ADAMTS2: variants seen among roughly 807,000 people sequenced by gnomAD.
ADAMTS2 encodes the protein A disintegrin and metalloproteinase with thrombospondin motifs 2.
Under a neutral mutation model 123.0 loss-of-function variants are expected in ADAMTS2, and 50 were observed. The observed-to-expected ratio is 0.41, with a 90% CI of 0.32 to 0.51. The LOEUF is 0.51. Among genes scored for constraint, ADAMTS2 ranks in the 20% least tolerant of loss-of-function variants. The pLI, the probability that ADAMTS2 is intolerant of heterozygous loss-of-function variation, is 0.35. For synonymous variants in ADAMTS2, 678 were observed against 695.4 expected, an observed-to-expected ratio of 0.98 and a Z score of 0.39; for missense variants, 1,494 against 1,705.2, an observed-to-expected ratio of 0.88 and a Z score of 2.18.
At chr5:179,286,482 A>G (rs970680175) in intron 2 of ADAMTS2, among the ~76,000 whole-genome samples, 3 of 151,994 alleles carry the variant, frequency 2.0e-5, no homozygotes, top group African/African-American at 7.3e-5. Context: ...CATGTCTGGG[A>G]GTTGCCAACA....
intron 2 of ADAMTS2, among the ~76,000 whole-genome samples, chr5:179,295,108 A>G (rs1384314845): frequency 1.3e-5 from 2 of 152,240 alleles, no homozygotes; most frequent in African/African-American, 4.8e-5. Flanking sequence ...TCAGAGCCTG[A>G]GAGCATCTGG....
intron 4 of ADAMTS2, among the ~76,000 whole-genome samples, chr5:179,196,202 T>A (rs995845366): frequency 2.0e-5 from 3 of 151,926 alleles, no homozygotes; most frequent in African/African-American, 4.8e-5. Flanking sequence ...AAATTAGAAA[T>A]GAAAAGAGGA....
At chr5:179,281,745 G>T (rs926576189) in intron 2 of ADAMTS2, among the ~76,000 whole-genome samples, 1 of 152,058 alleles carries the variant, frequency 6.6e-6, no homozygotes, top group African/African-American at 2.4e-5. Flanking sequence ...CCTCTACAGG[G>T]GCTGGACCAT....
At chr5:179,339,954 ACT>A (rs1757723954) in intron 2 of ADAMTS2, among the ~76,000 whole-genome samples, 2 of 151,854 alleles carry the variant, frequency 1.3e-5, no homozygotes, top group Admixed American at 1.3e-4. Flanking sequence ...GGCCTTTATG[ACT>A]CTTAATGTCC....
intron 2 of ADAMTS2, among the ~76,000 whole-genome samples, chr5:179,276,548 A>C (rs545437076): frequency 1.3e-5 from 2 of 152,284 alleles, no homozygotes; most frequent in East Asian, 3.9e-4. Context: ...CTCACACAGG[A>C]GCACATGCAG....
chr5:179,154,836 C>A lies in ADAMTS2; in HGVS notation c.1216G>T (p.Val406Leu), dbSNP rs1430404184. ...HEDGFSSAFV[V>L]AHETGHVLGM... The stretch of plus-strand genomic sequence containing the variant: ...TACACGTGGCCAGTCTCATGGGCCA[C>A]CACAAACGCTGAGGAGAAGCCGTCC... The change falls in exon 7 of 22, where the codon GTG (valine) becomes TTG (leucine). Residue 406 changes from valine to leucine, a missense_variant. Physicochemically the swap from Val to Leu is conservative, Grantham distance 32. Around this residue, in one of 6 missense-constraint regions of ADAMTS2, gnomAD observed 47 missense variants for 92.7 expected, o/e 0.51. Transcript: ENST00000251582. 2 of 1,612,744 alleles carry A rather than the reference C, an allele frequency of 1.2e-6. No individual in the cohort carries two copies. Among genetic ancestry groups the A allele is most frequent in the Non-Finnish European group, 1.7e-6 (2 of 1,179,586 alleles).
Position 179,158,652 on chromosome 5 carries a change from G to A in ADAMTS2, c.1132+71C>T, listed in dbSNP as rs1244734693. ...TTCCCTGGGCTGGGCCAAGGCTCCC[G>A]GGGCCCCTTGCATGGCCAGGGGCTC... is the stretch of plus-strand genomic sequence containing the variant. On this transcript the variant is annotated intron_variant, in intron 6 of 21. Transcript: ENST00000251582. This position sits in a 1 kb window ranked among gnomAD's most constrained non-coding sequence, Gnocchi z 5.0. 2.1e-5 allele frequency: 33 copies of A among 1,606,282 alleles called. No homozygotes were observed. Among genetic ancestry groups the A allele is most frequent in the African/African-American group, 8.0e-5 (6 of 74,808 alleles).
At position 179,234,161 on chromosome 5, in the gene ADAMTS2, G is replaced by A. The variant is rs1344663129; in HGVS notation, c.689-26446C>T. Among the ~76,000 whole-genome samples the A allele has an allele frequency of 6.6e-6, 1 of 152,112 alleles. No individual in the cohort carries two copies. Among genetic ancestry groups the A allele is most frequent in the Non-Finnish European group, 1.5e-5 (1 of 68,004 alleles). ...ACTTCATGCAAGCTCTCTGCCAGAA[G>A]AGACCCTCTCCTGCCACAGGCGCCC... is the stretch of plus-strand genomic sequence containing the variant. On this transcript the variant is annotated intron_variant, in intron 3 of 21. Coordinates refer to ENST00000251582, the MANE Select transcript of ADAMTS2 (RefSeq NM_014244.5). This position sits in a 1 kb window ranked among gnomAD's most constrained non-coding sequence, Gnocchi z 4.7.
At chr5:179,287,073 G>A (rs1249352555) in intron 2 of ADAMTS2, among the ~76,000 whole-genome samples, 1 of 152,180 alleles carries the variant, frequency 6.6e-6, no homozygotes, top group Non-Finnish European at 1.5e-5. Context: ...GCCCATAACA[G>A]CCTCCAGGCG....
chr5:179,187,650 G>T (rs1439317317), intron 4 of ADAMTS2, among the ~76,000 whole-genome samples: 1 of 152,152 alleles, frequency 6.6e-6, no homozygotes, highest in African/African-American at 2.4e-5. Flanking sequence ...CCCAAGGCCT[G>T]CGTGTGCTGG....
At chr5:179,232,851 G>A (rs1283195191) in intron 3 of ADAMTS2, among the ~76,000 whole-genome samples, 2 of 151,502 alleles carry the variant, frequency 1.3e-5, no homozygotes, top group East Asian at 1.9e-4. Context: ...TGTTTCTTTG[G>A]TTAAAGTTTC....
intron 5 of ADAMTS2, among the ~76,000 whole-genome samples, chr5:179,167,013 T>C (rs2113283261): frequency 6.6e-6 from 1 of 152,238 alleles, no homozygotes; most frequent in South Asian, 2.1e-4. Context: ...TGCGGGGACG[T>C]TCTCGGGAGG....
intron 17 of ADAMTS2, among the ~76,000 whole-genome samples, chr5:179,126,745 G>A (rs1762866507): frequency 6.6e-6 from 1 of 152,228 alleles, no homozygotes; most frequent in East Asian, 1.9e-4. Context: ...TGGCCTGCTG[G>A]GTAAGACCAA....
chr5:179,253,658 AG>A (rs201789306), intron 3 of ADAMTS2, among the ~76,000 whole-genome samples: 4,758 of 149,936 alleles, frequency 0.032, 231 homozygotes, highest in African/African-American at 0.11. Flanking sequence ...AAAAAAAAAA[AG>A]GCATCCCTTT....
chr5:179,218,870 C>A (rs1281800457), intron 3 of ADAMTS2, among the ~76,000 whole-genome samples: 3 of 152,204 alleles, frequency 2.0e-5, no homozygotes, highest in African/African-American at 7.2e-5. Context: ...AGAACATACC[C>A]CCGCACAGCA....
intron 2 of ADAMTS2, among the ~76,000 whole-genome samples, chr5:179,333,596 G>GTT (rs1219136980): frequency 0.07 from 7,417 of 105,900 alleles, 458 homozygotes; most frequent in South Asian, 0.15. Flanking sequence ...GTTTTTTTCT[G>GTT]TTTTTTTTTT....
chr5:179,281,234 T>C (rs1766896099), intron 2 of ADAMTS2, among the ~76,000 whole-genome samples: 1 of 152,252 alleles, frequency 6.6e-6, no homozygotes, highest in Non-Finnish European at 1.5e-5. Flanking sequence ...ATCTAAACTA[T>C]ATGCTGAAAG....
At chr5:179,341,729 A>AAAAAAAAG (rs70997682) in intron 2 of ADAMTS2, among the ~76,000 whole-genome samples, 1 of 144,058 alleles carries the variant, frequency 6.9e-6, no homozygotes, top group African/African-American at 2.6e-5. Flanking sequence ...AAAAAAAAAA[A>AAAAAAAAG]AAAGAAAACA....
At chr5:179,302,902 G>A (rs1043749868) in intron 2 of ADAMTS2, among the ~76,000 whole-genome samples, 1 of 151,200 alleles carries the variant, frequency 6.6e-6, no homozygotes, top group Non-Finnish European at 1.5e-5. Context: ...AGGCCAATGT[G>A]AGTGGAGTGT....
Sources: gnomAD v4.1 joint callset for allele counts (sites outside exome capture counted in the v4.1 genomes callset) on GRCh38, gnomAD v4.1.1 for gene constraint, gnomAD v4.1.1 regional missense constraint, Gnocchi (gnomAD v3.1) non-coding constraint, MANE v1.5 for transcripts, NCBI Gene and HGNC (gene_info 2026-07-23, HGNC 2026-07-21) for gene names.